The following CTNNA2 variants were observed in gnomAD, a reference collection of about 807,000 sequenced individuals.
The protein encoded by CTNNA2 is catenin alpha-2.
CTNNA2 carries 42 observed loss-of-function variants against 101.0 expected under a neutral mutation model. That is an observed-to-expected ratio of 0.42 (90% confidence interval 0.32 to 0.54). The LOEUF (loss-of-function observed/expected upper bound fraction) is 0.54. CTNNA2 is among the 20% of genes least tolerant of loss of function. CTNNA2 has a pLI of 0.14. For missense variants in CTNNA2, 871 were observed against 1,223.1 expected, an observed-to-expected ratio of 0.71 and a Z score of 4.29; for synonymous variants, 450 against 456.4, an observed-to-expected ratio of 0.99 and a Z score of 0.18.
chr2:79,843,060 G>GA (rs143570288), intron 3 of CTNNA2, among the ~76,000 whole-genome samples: 4,597 of 152,248 alleles, frequency 0.03, 225 homozygotes, highest in African/African-American at 0.1. Context: ...TAGGTTTGAG[G>GA]AATCTCAATT....
intron 4 of CTNNA2, among the ~76,000 whole-genome samples, chr2:79,437,108 C>T (rs1678724739): frequency 6.6e-6 from 1 of 151,844 alleles, no homozygotes; most frequent in Non-Finnish European, 1.5e-5. Flanking sequence ...GTGGTGTGTG[C>T]CTGTAATCCC....
chr2:80,612,061 T>C (rs1270471431), intron 17 of CTNNA2, among the ~76,000 whole-genome samples: 1 of 151,614 alleles, frequency 6.6e-6, no homozygotes, highest in Non-Finnish European at 1.5e-5. Flanking sequence ...TACTGACCTA[T>C]TCCTGAGAGA....
intron 7 of CTNNA2, among the ~76,000 whole-genome samples, chr2:80,033,972 T>TAAAAAA (rs70940069): frequency 3.6e-5 from 3 of 84,222 alleles, no homozygotes; most frequent in Admixed American, 1.4e-4. Flanking sequence ...GCTTATAATG[T>TAAAAAA]AAAAAAAAAA....
At chr2:79,858,312 C>G (rs1241339668) in intron 4 of CTNNA2, 133 bp downstream of exon 4, 1 of 502,166 alleles carries the variant, frequency 2.0e-6, no homozygotes, top group Non-Finnish European at 3.3e-6. Flanking sequence ...ATGTGGTGCC[C>G]ACGTCCAATT....
chr2:79,628,421 C>T (rs972623902), intron 1 of CTNNA2, among the ~76,000 whole-genome samples: 2 of 151,434 alleles, frequency 1.3e-5, no homozygotes, highest in African/African-American at 4.9e-5. Flanking sequence ...CCACTGCACT[C>T]CAGCCTGGGC....
chr2:79,522,262 C>G (rs1040318434), intron 1 of CTNNA2, among the ~76,000 whole-genome samples: 4 of 152,172 alleles, frequency 2.6e-5, no homozygotes, highest in African/African-American at 9.7e-5. Flanking sequence ...TCTCTGAACT[C>G]GCTCCATCTT....
chr2:80,038,513 GGGTTTGAGACTA>G (rs1395418781), intron 7 of CTNNA2, among the ~76,000 whole-genome samples: 1 of 151,982 alleles, frequency 6.6e-6, no homozygotes, highest in Admixed American at 6.6e-5. Context: ...CTGAGGTCAG[GGGTTTGAGACTA>G]GCCTGGGCAA....
intron 4 of CTNNA2, among the ~76,000 whole-genome samples, chr2:79,468,685 G>A (rs111338196): frequency 6.6e-6 from 1 of 152,178 alleles, no homozygotes; most frequent in Non-Finnish European, 1.5e-5. Context: ...CTGTCTCTCA[G>A]ACCACAGTGC....
chr2:79,705,452 GA>G (rs140092583), intron 2 of CTNNA2, among the ~76,000 whole-genome samples: 12,644 of 151,646 alleles, frequency 0.083, 572 homozygotes, highest in South Asian at 0.11. Context: ...GTATGTATAG[GA>G]AAAAAAACAG....
intron 7 of CTNNA2, among the ~76,000 whole-genome samples, chr2:80,103,896 G>C (rs1200462772): frequency 1.3e-5 from 2 of 152,084 alleles, no homozygotes; most frequent in Non-Finnish European, 2.9e-5. Context: ...CACCATGGCG[G>C]CTAACTTTTG....
chr2:80,376,835 G>A (rs1346196787), intron 7 of CTNNA2, among the ~76,000 whole-genome samples: 2 of 152,168 alleles, frequency 1.3e-5, no homozygotes, highest in East Asian at 3.9e-4. Flanking sequence ...GACTGAAATA[G>A]AATCCACTCT....
At chr2:80,599,620 C>T (rs1361080222) in intron 15 of CTNNA2, among the ~76,000 whole-genome samples, 1 of 152,078 alleles carries the variant, frequency 6.6e-6, no homozygotes, top group Non-Finnish European at 1.5e-5. Context: ...TAACTTTGTG[C>T]TCATTTAAAG....
intron 12 of CTNNA2, among the ~76,000 whole-genome samples, chr2:80,571,116 CA>C (rs1226572805): frequency 6.6e-6 from 1 of 152,172 alleles, no homozygotes; most frequent in African/African-American, 2.4e-5. Context: ...GTGACCTTGC[CA>C]CAAACAAAGC....
At chr2:80,137,823 C>T (rs114180779) in intron 7 of CTNNA2, among the ~76,000 whole-genome samples, 71 of 151,702 alleles carry the variant, frequency 4.7e-4, no homozygotes, top group Admixed American at 8.5e-4. Flanking sequence ...CTTGATCATT[C>T]CATTGTTGGG....
chr2:80,474,479 T>C (rs142483182), intron 9 of CTNNA2, among the ~76,000 whole-genome samples: 2,223 of 152,244 alleles, frequency 0.015, 27 homozygotes, highest in Non-Finnish European at 0.02. Context: ...AAAACCAGAA[T>C]TGGGCAGTTC....
At chr2:79,834,037 T>C (rs563643323) in intron 3 of CTNNA2, among the ~76,000 whole-genome samples, 19 of 152,310 alleles carry the variant, frequency 1.2e-4, no homozygotes, top group Admixed American at 4.6e-4. Context: ...CAAGTTTTGC[T>C]TGAAACACAC....
At chr2:80,435,970 T>A (rs1681988126) in intron 9 of CTNNA2, among the ~76,000 whole-genome samples, 1 of 152,216 alleles carries the variant, frequency 6.6e-6, no homozygotes, top group Admixed American at 6.5e-5. Context: ...CTCCCAATTC[T>A]CTGCCTAGTG....
chr2:80,521,745 C>T (rs112358776), intron 9 of CTNNA2, among the ~76,000 whole-genome samples: 3 of 152,230 alleles, frequency 2.0e-5, no homozygotes, highest in African/African-American at 7.2e-5. Context: ...ACTGCTGACA[C>T]CTTGATTTTA....
intron 6 of CTNNA2, among the ~76,000 whole-genome samples, chr2:79,896,432 A>G (rs186693638): frequency 7.9e-4 from 121 of 152,342 alleles, no homozygotes; most frequent in African/African-American, 2.5e-3. Context: ...CCATCCACAT[A>G]TATTCATCTG....
Sources: gnomAD v4.1 joint callset for allele counts (sites outside exome capture counted in the v4.1 genomes callset) on GRCh38, gnomAD v4.1.1 for gene constraint, MANE v1.5 for transcripts, NCBI Gene and HGNC (gene_info 2026-07-23, HGNC 2026-07-21) for gene names.